Variants in ARPP19 observed in about 807,000 individuals in gnomAD.
ARPP19 encodes cAMP regulated phosphoprotein 19.
Under a neutral mutation model 12.0 loss-of-function variants are expected in ARPP19, and 8 were observed. The observed-to-expected ratio is 0.67, with a 90% CI of 0.39 to 1.21. ARPP19 has a LOEUF of 1.21. Ranked by LOEUF, ARPP19 falls within the 50% of genes most tolerant of loss-of-function variation. The probability of loss-of-function intolerance (pLI) is 0.01; values close to 1 mark genes in which losing one functional copy is unlikely to be tolerated. For missense variants in ARPP19, 102 were observed against 136.3 expected (o/e 0.75, Z 1.25); for synonymous variants, 47 against 50.4 (o/e 0.93, Z 0.29).
intron 2 of ARPP19, among the ~76,000 whole-genome samples, chr15:52,553,157 CA>C (rs1228516991): frequency 6.6e-6 from 1 of 152,096 alleles, no homozygotes; most frequent in Non-Finnish European, 1.5e-5. Flanking sequence ...TTATTTAGAA[CA>C]AGTGTTTCTG....
Position 52,550,560 on chromosome 15 carries a change from T to C in ARPP19, c.*1374A>G, listed in dbSNP as rs2077919925. 6.6e-6 allele frequency: 1 copy of C among 152,096 alleles called. No individual in the cohort carries two copies. The highest frequency in any genetic ancestry group is 1.5e-5 in the Non-Finnish European group (1 of 68,020). 9.4% of individuals were successfully genotyped at this position (152,096 alleles called of 1,614,324 possible). ...CTTGAGCCTAGGAGTAAGGTTGCAGTGAGCTGTGATTGCACTACTGCACTA... is the reference window on the plus strand; with the variant it reads ...CTTGAGCCTAGGAGTAAGGTTGCAGCGAGCTGTGATTGCACTACTGCACTA... On this transcript the variant is annotated 3_prime_UTR_variant, in exon 3 of 3. Transcript: ENST00000249822.
At chr15:52,561,262 T>G (rs192535428) in intron 1 of ARPP19, among the ~76,000 whole-genome samples, 1 of 152,242 alleles carries the variant, frequency 6.6e-6, no homozygotes, top group Admixed American at 6.5e-5. Flanking sequence ...CCAATAGTTA[T>G]TTATTTGTTT....
intron 2 of ARPP19, among the ~76,000 whole-genome samples, chr15:52,553,226 A>C (rs2077952181): frequency 6.6e-6 from 1 of 152,206 alleles, no homozygotes; most frequent in Non-Finnish European, 1.5e-5. Flanking sequence ...TTAAGGTAAA[A>C]ATATAAATAT....
At chr15:52,569,105 C>A (rs1050471438), upstream of ARPP19, 2 of 548,838 alleles carry the variant, frequency 3.6e-6, no homozygotes, top group African/African-American at 2.0e-5. Flanking sequence ...CCGCACCGCA[C>A]CCCTACCTAC....
rs568354498 is a variant in ARPP19, at chr15:52,565,642, G to A, written c.45+3206C>T. 5.3e-5 allele frequency among the ~76,000 whole-genome samples: 8 copies of A among 152,246 alleles called. 1 individual carries two copies. The South Asian group carries it at 1.5e-3, about 28-fold the overall frequency. On this transcript the variant is annotated intron_variant, in intron 1 of 2. Coordinates refer to ENST00000249822, the MANE Select transcript of ARPP19 (RefSeq NM_006628.6). ...AAATGTGATTGTATCTATGACTCTG[G>A]AAACTTAGTGACCTCATAGTTTACT...
At position 52,549,307 on chromosome 15, in the gene ARPP19, A is replaced by T. The variant is rs1279035641; in HGVS notation, c.*2627T>A. The T allele has an allele frequency of 1.3e-5, 2 of 152,426 alleles. No individual in the cohort carries two copies. The highest frequency in any genetic ancestry group is 2.9e-5 in the Non-Finnish European group (2 of 68,016). The allele number at this position is 152,426 out of a possible 1,614,324, so 9.4% of individuals were successfully genotyped here. ...ACTAGTCAAAATCTTGATTCAAGTG[A>T]TGATCCAATAGCTTACAAATGTCTT... On this transcript the variant is annotated 3_prime_UTR_variant, in exon 3 of 3. Coordinates refer to ENST00000249822, the MANE Select transcript of ARPP19 (RefSeq NM_006628.6).
intron 1 of ARPP19, among the ~76,000 whole-genome samples, chr15:52,559,084 A>G (rs2078009250): frequency 6.6e-6 from 1 of 152,184 alleles, no homozygotes; most frequent in African/African-American, 2.4e-5. Flanking sequence ...TTTGAGAAAA[A>G]AGCTGCTTCT....
Position 52,564,054 on chromosome 15 carries a change from T to C in ARPP19, c.45+4794A>G, listed in dbSNP as rs532734552. 2.2e-4 allele frequency: 135 copies of C among 603,738 alleles called. 4 individuals carry two copies. In the South Asian group the frequency reaches 2.9e-3, roughly 13 times the overall value. 37.4% of individuals were successfully genotyped at this position (603,738 alleles called of 1,614,324 possible). Reference sequence around the variant, plus strand: ...AGCTCATCTTTAATATTTTATGTTATAGTAAACACAGCTTCTGGATTAGAA... The same window carrying C: ...AGCTCATCTTTAATATTTTATGTTACAGTAAACACAGCTTCTGGATTAGAA... On this transcript the variant is annotated intron_variant, in intron 1 of 2. Transcript: ENST00000249822.
chr15:52,568,569 C>T, intron 1 of ARPP19: 1 of 398,278 alleles, frequency 2.5e-6, no homozygotes, highest in East Asian at 4.1e-5. Context: ...CCAAAGCCTG[C>T]GTCCTGGGCT....
At chr15:52,553,240 A>G (rs1183824003) in intron 2 of ARPP19, among the ~76,000 whole-genome samples, 1 of 152,218 alleles carries the variant, frequency 6.6e-6, no homozygotes, top group African/African-American at 2.4e-5. Flanking sequence ...TAAATATTAG[A>G]GTAATGAAAG....
In ARPP19 at chr15:52,562,247, T is replaced by C. The variant is rs116769041; in HGVS notation, c.46-5025A>G. ...TTACATCTAACAATTAGGGAATGCA[T>C]AGTCTTCCACAGCACAAATGGAAAA... On this transcript the variant is annotated intron_variant, in intron 1 of 2. Coordinates refer to ENST00000249822, the MANE Select transcript of ARPP19 (RefSeq NM_006628.6). 9.2e-3 allele frequency among the ~76,000 whole-genome samples: 1,403 copies of C among 152,296 alleles called. 25 individuals are homozygous for C. The highest frequency in any genetic ancestry group is 0.032 in the African/African-American group (1,338 of 41,558).
Position 52,548,871 on chromosome 15 carries a change from GCAAC to G in ARPP19, c.*3059_*3062del, listed in dbSNP as rs1214719199. ...AGTTTTGTTTCATCAAGTAAAAAGA[GCAAC>G]TAATTCCAACTGTTGAAGTAGTAAC... On this transcript the variant is annotated 3_prime_UTR_variant, in exon 3 of 3. Coordinates refer to ENST00000249822, the MANE Select transcript of ARPP19 (RefSeq NM_006628.6). The G allele has an allele frequency of 6.6e-6, 1 of 152,640 alleles. No homozygotes were observed. The highest frequency in any genetic ancestry group is 1.5e-5 in the Non-Finnish European group (1 of 68,034). The allele number at this position is 152,640 out of a possible 1,614,324, so 9.5% of individuals were successfully genotyped here. A position where few individuals can be genotyped will look rare whatever the true frequency, so the allele number is the denominator to read the frequency against.
chr15:52,555,030 C>T (rs981969731), intron 2 of ARPP19, among the ~76,000 whole-genome samples: 1 of 151,674 alleles, frequency 6.6e-6, no homozygotes, highest in African/African-American at 2.4e-5. Flanking sequence ...AAATTAAAAC[C>T]CAGAACCTGT....
intron 2 of ARPP19, 146 bp from the exon 3 acceptor site, chr15:52,552,250 G>C (rs2077939821): frequency 3.3e-6 from 2 of 604,536 alleles, no homozygotes; most frequent in Non-Finnish European, 2.9e-6. Flanking sequence ...TCTGTACTGA[G>C]TTCCAGCATA....
At position 52,547,367 on chromosome 15, in the gene ARPP19, AAAAC is replaced by A. The variant is rs2077886887; in HGVS notation, c.*4563_*4566del. The A allele has an allele frequency of 1.3e-5, 2 of 152,212 alleles. No homozygotes were observed. The highest frequency in any genetic ancestry group is 4.1e-4 in the South Asian group (2 of 4,836). The allele number at this position is 152,212 out of a possible 1,614,324, so 9.4% of individuals were successfully genotyped here. ...AAAAAGCAAAACAAAACAAAACAAA[AAAAC>A]AAAACAAGGCATTTACTCTTGGCCC... On this transcript the variant is annotated 3_prime_UTR_variant, in exon 3 of 3. Transcript: ENST00000249822.
At chr15:52,553,067 ACT>A (rs2077950724) in intron 2 of ARPP19, among the ~76,000 whole-genome samples, 2 of 151,960 alleles carry the variant, frequency 1.3e-5, no homozygotes, top group South Asian at 2.1e-4. Context: ...ACAGAGCAAG[ACT>A]CTGTCTCAAA....
intron 1 of ARPP19, among the ~76,000 whole-genome samples, chr15:52,561,198 A>G (rs2078029247): frequency 6.6e-6 from 1 of 152,226 alleles, no homozygotes; most frequent in Admixed American, 6.5e-5. Flanking sequence ...TCTGGACCTC[A>G]AGGGAATTCC....
Position 52,550,562 on chromosome 15 carries a change from A to G in ARPP19, c.*1372T>C, listed in dbSNP as rs1182674922. ...TGAGCCTAGGAGTAAGGTTGCAGTG[A>G]GCTGTGATTGCACTACTGCACTAGA... On this transcript the variant is annotated 3_prime_UTR_variant, in exon 3 of 3. Coordinates refer to ENST00000249822, the MANE Select transcript of ARPP19 (RefSeq NM_006628.6). The G allele has an allele frequency of 2.0e-5, 3 of 152,166 alleles. No individual in the cohort carries two copies. Among genetic ancestry groups the G allele is most frequent in the African/African-American group, 7.2e-5 (3 of 41,438 alleles). 9.4% of individuals were successfully genotyped at this position (152,166 alleles called of 1,614,324 possible).
At chr15:52,556,957 G>C in intron 2 of ARPP19, 143 bp downstream of exon 2, 3 of 810,300 alleles carry the variant, frequency 3.7e-6, no homozygotes, top group Non-Finnish European at 3.7e-6. Flanking sequence ...CAAAATATTG[G>C]AAAAACCCAT....
Sources: allele counts gnomAD v4.1 joint callset (sites outside exome capture counted in the v4.1 genomes callset), GRCh38; gene constraint gnomAD v4.1.1; transcripts MANE v1.5; gene names NCBI Gene and HGNC (gene_info 2026-07-23, HGNC 2026-07-21).